CD163L1: variants seen among roughly 807,000 people sequenced by gnomAD.
The protein encoded by CD163L1 is scavenger receptor cysteine-rich type 1 protein M160.
CD163L1 carries 124 observed loss-of-function variants against 165.4 expected under a neutral mutation model. The ratio of observed to expected loss-of-function variants is 0.75; its 90% CI spans 0.65 to 0.87. CD163L1 has a LOEUF of 0.87. CD163L1 is among the 40% of genes least tolerant of loss of function. The probability of loss-of-function intolerance (pLI) is 0.00; values close to 1 mark genes in which losing one functional copy is unlikely to be tolerated. For missense variants in CD163L1, 1,525 were observed against 1,799.9 expected (o/e 0.85, Z 2.76); for synonymous variants, 585 against 662.2 (o/e 0.88, Z 1.79).
chr12:7,421,027 A>ATATG (rs1948344909), intron 4 of CD163L1, among the ~76,000 whole-genome samples: 1 of 105,316 alleles, frequency 9.5e-6, no homozygotes, highest in African/African-American at 5.9e-5. Flanking sequence ...ATATATACAT[A>ATATG]TATATATACG....
At chr12:7,409,436 A>G (rs961978639) in intron 4 of CD163L1, among the ~76,000 whole-genome samples, 3 of 152,114 alleles carry the variant, frequency 2.0e-5, no homozygotes, top group Non-Finnish European at 4.4e-5. Context: ...TGGTTTCAGG[A>G]TGAAACTGTT....
chr12:7,394,789 G>C (rs531824297), intron 8 of CD163L1, among the ~76,000 whole-genome samples: 1 of 152,150 alleles, frequency 6.6e-6, no homozygotes, highest in Non-Finnish European at 1.5e-5. Flanking sequence ...CAAAGGATAT[G>C]AACAGACACT....
chr12:7,435,161 A>C (rs1001771460), intron 2 of CD163L1, among the ~76,000 whole-genome samples: 2 of 152,056 alleles, frequency 1.3e-5, no homozygotes, highest in African/African-American at 4.8e-5. Flanking sequence ...ATACTGATTA[A>C]GGTGTTTTTT....
At chr12:7,370,243 T>G (rs1947116828) in intron 14 of CD163L1, among the ~76,000 whole-genome samples, 1 of 152,116 alleles carries the variant, frequency 6.6e-6, no homozygotes, top group South Asian at 2.1e-4. Context: ...TAAGCCCAAC[T>G]CTCTACCTCC....
chr12:7,401,392 T>C (rs747408246), intron 6 of CD163L1, among the ~76,000 whole-genome samples: 1 of 152,076 alleles, frequency 6.6e-6, no homozygotes, highest in African/African-American at 2.4e-5. Flanking sequence ...TGAAATTGAA[T>C]AGAAGAAAAA....
the CD163L1 span, among the ~76,000 whole-genome samples, chr12:7,337,612 A>G: frequency 6.6e-6 from 1 of 152,228 alleles, no homozygotes; most frequent in Non-Finnish European, 1.5e-5. Context: ...CAAAACCACA[A>G]TGAGATACCA....
intron 4 of CD163L1, among the ~76,000 whole-genome samples, chr12:7,412,742 AT>A (rs1948160305): frequency 6.6e-6 from 1 of 152,188 alleles, no homozygotes; most frequent in Non-Finnish European, 1.5e-5. Flanking sequence ...CACAGAAAGA[AT>A]TTTAACAACC....
At chr12:7,404,551 T>C (rs1275562580) in intron 5 of CD163L1, among the ~76,000 whole-genome samples, 2 of 152,166 alleles carry the variant, frequency 1.3e-5, no homozygotes, top group African/African-American at 2.4e-5. Context: ...CAAATAAATA[T>C]ATTAAATAAC....
chr12:7,331,460 G>T, the CD163L1 span, among the ~76,000 whole-genome samples: 4 of 152,224 alleles, frequency 2.6e-5, no homozygotes, highest in Admixed American at 6.5e-5. Flanking sequence ...TGCAGCTTGA[G>T]ATCTGAGAAC....
At chr12:7,333,927 A>G in the CD163L1 span, among the ~76,000 whole-genome samples, 1 of 152,210 alleles carries the variant, frequency 6.6e-6, no homozygotes, top group Non-Finnish European at 1.5e-5. Context: ...ACACCCTCCC[A>G]AGACTAAACC....
At chr12:7,365,161 A>C (rs1305373613) in intron 18 of CD163L1, among the ~76,000 whole-genome samples, 1 of 152,142 alleles carries the variant, frequency 6.6e-6, no homozygotes, top group African/African-American at 2.4e-5. Context: ...AAGGACATAC[A>C]TTGGGAAAAG....
chr12:7,403,883 G>A, intron 5 of CD163L1, 28 bp from the exon 6 acceptor site: 1 of 1,597,680 alleles, frequency 6.3e-7, no homozygotes. Context: ...AGAAACGTCT[G>A]AATTGGGTTT....
intron 2 of CD163L1, chr12:7,439,500 T>C: frequency 1.3e-6 from 2 of 1,584,984 alleles, no homozygotes; most frequent in East Asian, 2.2e-5. Flanking sequence ...CATCTGGGCT[T>C]TTCTCCTCTC....
At chr12:7,378,425 A>G (rs2136439688) in intron 9 of CD163L1, among the ~76,000 whole-genome samples, 1 of 152,290 alleles carries the variant, frequency 6.6e-6, no homozygotes, top group African/African-American at 2.4e-5. Flanking sequence ...TACAACCTTC[A>G]ATGATTTATC....
chr12:7,412,201 T>C (rs569744298), intron 4 of CD163L1, among the ~76,000 whole-genome samples: 5 of 152,340 alleles, frequency 3.3e-5, no homozygotes, highest in South Asian at 4.1e-4. Flanking sequence ...CTAGGAACAA[T>C]TGTTCATTTC....
rs1291691573 is a variant in CD163L1, at chr12:7,375,282, T to C, written c.3000A>G (p.Thr1000=). 3 of 1,613,828 alleles carry C rather than the reference T, an allele frequency of 1.9e-6. No homozygotes were observed. In the South Asian group the frequency reaches 3.3e-5, roughly 18 times the overall value. The change falls in exon 11 of 20, where the codon ACA becomes ACG. Residue 1000 remains threonine, a splice_region_variant and synonymous_variant. Transcript: ENST00000313599. ...IHGNTVSVIC[T]GSLTQPLFPC... Reference sequence around the variant, plus strand: ...TAACCATAAGCACTATTCTCTTACCTGTGCAGATCACAGAGACAGTATTTC... The same window carrying C: ...TAACCATAAGCACTATTCTCTTACCCGTGCAGATCACAGAGACAGTATTTC...
At chr12:7,361,010 G>A (rs374958685) in intron 18 of CD163L1, among the ~76,000 whole-genome samples, 4 of 152,214 alleles carry the variant, frequency 2.6e-5, no homozygotes, top group East Asian at 1.9e-4. Flanking sequence ...GATCAACCCA[G>A]TTAGGTTCAG....
intron 9 of CD163L1, among the ~76,000 whole-genome samples, chr12:7,377,842 A>G (rs914818512): frequency 8.5e-5 from 13 of 152,186 alleles, no homozygotes; most frequent in African/African-American, 3.1e-4. Context: ...CTCAGGGCTA[A>G]GAGCTCCTCT....
chr12:7,341,358 A>G, the CD163L1 span, among the ~76,000 whole-genome samples: 1 of 152,202 alleles, frequency 6.6e-6, no homozygotes, highest in African/African-American at 2.4e-5. Flanking sequence ...ATCAGGACAT[A>G]ATTGCAAAGA....
Sources: allele counts gnomAD v4.1 joint callset (sites outside exome capture counted in the v4.1 genomes callset), GRCh38; gene constraint gnomAD v4.1.1; transcripts MANE v1.5; gene names NCBI Gene and HGNC (gene_info 2026-07-23, HGNC 2026-07-21).